Variants in DIP2B observed in about 807,000 individuals in gnomAD.
The protein encoded by DIP2B is DIP2 acetate--CoA ligase B (putative).
A neutral mutation model predicts 198.0 loss-of-function variants in DIP2B; 76 were observed. The ratio of observed to expected loss-of-function variants is 0.38; its 90% CI spans 0.32 to 0.46. The LOEUF (loss-of-function observed/expected upper bound fraction) is 0.46. Ranked by LOEUF, DIP2B falls within the 20% of genes least tolerant of loss-of-function variation. DIP2B has a pLI of 0.99. For missense variants in DIP2B, 1,559 were observed against 1,978.4 expected, an observed-to-expected ratio of 0.79 and a Z score of 4.02; for synonymous variants, 701 against 739.1, an observed-to-expected ratio of 0.95 and a Z score of 0.84.
rs867859926 is a variant in DIP2B at position 50,734,913 on chromosome 12, A to G, written c.4044-160A>G. On this transcript the variant is annotated intron_variant, in intron 33 of 37. Transcript: ENST00000301180. ...GGATAGCCCCTTTCAACAAAAAATT[A>G]TCTGGCCAAAATGTTAGTAGTGCTG... Among the ~76,000 whole-genome samples the G allele has an allele frequency of 3.9e-5, 6 of 152,346 alleles. No homozygotes were observed. In the South Asian group the frequency reaches 8.3e-4, roughly 21 times the overall value.
At chr12:50,659,469 G>T (rs1334419007) in intron 3 of DIP2B, among the ~76,000 whole-genome samples, 2 of 150,694 alleles carry the variant, frequency 1.3e-5, no homozygotes, top group African/African-American at 2.4e-5. Flanking sequence ...GTAAGATTTT[G>T]TAAGAGTTTT....
At chr12:50,521,094 G>GTTTTT (rs386376482) in intron 1 of DIP2B, among the ~76,000 whole-genome samples, 21 of 94,300 alleles carry the variant, frequency 2.2e-4, no homozygotes, top group African/African-American at 5.3e-4. Context: ...TTCAGCAACA[G>GTTTTT]TTTTTTTTTT....
chr12:50,666,807 G>T (rs1938762032), intron 4 of DIP2B, among the ~76,000 whole-genome samples: 1 of 152,042 alleles, frequency 6.6e-6, no homozygotes, highest in African/African-American at 2.4e-5. Flanking sequence ...GGATCACGAG[G>T]TCAGGAGATC....
intron 37 of DIP2B, 57 bp from the exon 38 acceptor site, chr12:50,744,530 A>C: frequency 6.2e-7 from 1 of 1,601,676 alleles, no homozygotes; most frequent in Non-Finnish European, 8.5e-7. Context: ...GACAGATGCT[A>C]TAAAAGATAA....
intron 1 of DIP2B, among the ~76,000 whole-genome samples, chr12:50,551,521 G>A (rs928257137): frequency 2.0e-5 from 3 of 152,136 alleles, no homozygotes; most frequent in Admixed American, 6.5e-5. Context: ...TCGGTGCACT[G>A]CAGCCTGTGC....
intron 3 of DIP2B, among the ~76,000 whole-genome samples, chr12:50,651,738 A>AT (rs1185118376): frequency 4.0e-5 from 6 of 151,820 alleles, no homozygotes; most frequent in South Asian, 2.1e-4. Context: ...CTTTGTAATC[A>AT]TTTTTTTTAA....
intron 5 of DIP2B, among the ~76,000 whole-genome samples, chr12:50,671,880 T>A (rs967035998): frequency 3.3e-5 from 5 of 152,222 alleles, no homozygotes; most frequent in Non-Finnish European, 7.3e-5. Flanking sequence ...ATTGCTACAC[T>A]GGAGTGTGCA....
At chr12:50,652,596 T>G (rs1938476760) in intron 3 of DIP2B, among the ~76,000 whole-genome samples, 1 of 152,102 alleles carries the variant, frequency 6.6e-6, no homozygotes, top group South Asian at 2.1e-4. Context: ...TTTTGGCTAT[T>G]TGGAATCTTT....
intron 12 of DIP2B, among the ~76,000 whole-genome samples, chr12:50,689,257 G>A (rs1386028959): frequency 6.6e-6 from 1 of 151,968 alleles, no homozygotes; most frequent in African/African-American, 2.4e-5. Context: ...AAATTAACCG[G>A]GTGTGGTGGC....
rs775378885 is a variant in DIP2B, at chr12:50,675,366, G to T, written c.834G>T (p.Gln278His). Reference protein sequence around the residue: ...PVSSRVSTKIQQLLNTLKRPK... With the variant: ...PVSSRVSTKIHQLLNTLKRPK... ...GTAGCAGAGTATCTACAAAAATCCA[G>T]CAGCTTCTGAACACTCTGAAACGAC... is the stretch of plus-strand genomic sequence containing the variant. Residue 278 changes from glutamine to histidine, a missense_variant, in exon 7 of 38, where the codon CAG (glutamine) becomes CAT (histidine). Transcript: ENST00000301180. 6.2e-7 allele frequency: 1 copy of T among 1,613,152 alleles called. No individual in the cohort carries two copies. Among genetic ancestry groups the T allele is most frequent in the Middle Eastern group, 1.7e-4 (1 of 6,056 alleles).
Position 50,745,644 on chromosome 12 carries a change from G to A in DIP2B, c.*805G>A, listed in dbSNP as rs1393048465. The A allele has an allele frequency of 6.6e-6, 1 of 152,560 alleles. No individual in the cohort carries two copies. The highest frequency in any genetic ancestry group is 6.5e-5 in the Admixed American group (1 of 15,278). 9.5% of individuals were successfully genotyped at this position (152,560 alleles called of 1,614,324 possible). The stretch of plus-strand genomic sequence containing the variant: ...TTTCTTTTTAAAGCTCGCATTCCCA[G>A]AATCAGCTTAGGCTTCTATGAATTC... On this transcript the variant is annotated 3_prime_UTR_variant, in exon 38 of 38. Coordinates refer to ENST00000301180, the MANE Select transcript of DIP2B (RefSeq NM_173602.3).
At chr12:50,517,056 A>G (rs1007567718) in intron 1 of DIP2B, among the ~76,000 whole-genome samples, 4 of 145,198 alleles carry the variant, frequency 2.8e-5, no homozygotes, top group African/African-American at 1.0e-4. Context: ...AGCTGGGACT[A>G]CAGGTGCCCG....
At chr12:50,615,643 G>A (rs553670222) in intron 1 of DIP2B, among the ~76,000 whole-genome samples, 6 of 152,314 alleles carry the variant, frequency 3.9e-5, no homozygotes, top group African/African-American at 1.4e-4. Flanking sequence ...GGGTGGGGTT[G>A]GGGCTGGGGA....
intron 35 of DIP2B, among the ~76,000 whole-genome samples, chr12:50,738,667 A>G (rs549820805): frequency 2.6e-5 from 4 of 152,016 alleles, no homozygotes; most frequent in East Asian, 3.9e-4. Context: ...TATTTTTAGT[A>G]GGGGGTTTCA....
intron 3 of DIP2B, among the ~76,000 whole-genome samples, chr12:50,651,947 A>G (rs1477274506): frequency 6.6e-6 from 1 of 152,152 alleles, no homozygotes; most frequent in African/African-American, 2.4e-5. Flanking sequence ...TGGGAGGCCA[A>G]GGCAGGTGGA....
At chr12:50,511,690 C>G (rs1271645819) in intron 1 of DIP2B, among the ~76,000 whole-genome samples, 4 of 151,700 alleles carry the variant, frequency 2.6e-5, no homozygotes, top group Admixed American at 6.6e-5. Flanking sequence ...TGGCTCACAC[C>G]TGTAATCCCA....
chr12:50,723,015 A>G (rs1237524880), intron 26 of DIP2B, among the ~76,000 whole-genome samples, 187 bp from the exon 27 acceptor site: 1 of 152,026 alleles, frequency 6.6e-6, no homozygotes, highest in Non-Finnish European at 1.5e-5. Context: ...TGTTTTCTCT[A>G]TATTTTCTAA....
chr12:50,517,682 C>T (rs562526582), intron 1 of DIP2B, among the ~76,000 whole-genome samples: 2 of 152,314 alleles, frequency 1.3e-5, no homozygotes, highest in South Asian at 2.1e-4. Context: ...TTTTTACCCT[C>T]ATTTCCTGCT....
chr12:50,564,042 A>G (rs1958543061), intron 1 of DIP2B, among the ~76,000 whole-genome samples: 1 of 152,052 alleles, frequency 6.6e-6, no homozygotes, highest in Admixed American at 6.6e-5. Flanking sequence ...ATTTCCCCAT[A>G]GTTAAACTGT....
Sources: gnomAD v4.1 joint callset for allele counts (sites outside exome capture counted in the v4.1 genomes callset) on GRCh38, gnomAD v4.1.1 for gene constraint, MANE v1.5 for transcripts, NCBI Gene and HGNC (gene_info 2026-07-23, HGNC 2026-07-21) for gene names.